The following COPG2 variants were observed in gnomAD, a reference collection of about 807,000 sequenced individuals.
COPG2 encodes coatomer subunit gamma-2.
COPG2 carries 37 observed loss-of-function variants against 46.3 expected under a neutral mutation model. The observed-to-expected ratio is 0.80, with a 90% CI of 0.61 to 1.05. The LOEUF is 1.05. COPG2 is among the 50% of genes least tolerant of loss of function. The pLI, the probability that COPG2 is intolerant of heterozygous loss-of-function variation, is 0.00. For missense variants in COPG2, 427 were observed against 387.8 expected, an observed-to-expected ratio of 1.10 and a Z score of -0.85; for synonymous variants, 159 against 129.7, an observed-to-expected ratio of 1.23 and a Z score of -1.53.
intron 9 of COPG2, among the ~76,000 whole-genome samples, chr7:130,568,703 C>A (rs1228922297): frequency 1.3e-5 from 2 of 152,184 alleles, no homozygotes; most frequent in Admixed American, 6.5e-5. Context: ...TACCCTACAA[C>A]ACATGGACTT....
chr7:130,524,199 G>A (rs1340392118), intron 20 of COPG2, among the ~76,000 whole-genome samples: 1 of 152,106 alleles, frequency 6.6e-6, no homozygotes, highest in Non-Finnish European at 1.5e-5. Flanking sequence ...TGATAGCTGG[G>A]CAGAGCAGGT....
At chr7:130,547,913 C>T in intron 19 of COPG2, 68 bp from the exon 20 acceptor site, 1 of 398,442 alleles carries the variant, frequency 2.5e-6, no homozygotes, top group Middle Eastern at 6.3e-4. Context: ...TAACCCACTA[C>T]TCAGCTCTGG....
chr7:130,587,136 G>A (rs564200724), intron 9 of COPG2, among the ~76,000 whole-genome samples: 89 of 151,748 alleles, frequency 5.9e-4, no homozygotes, highest in African/African-American at 2.0e-3. Context: ...ATGAAACCCC[G>A]TCTCTACTGA....
chr7:130,619,694 A>G lies in COPG2; in HGVS notation c.324-2629T>C, dbSNP rs189800036. Among the ~76,000 whole-genome samples the G allele has an allele frequency of 1.3e-4, 20 of 152,322 alleles. No individual in the cohort carries two copies. In the East Asian group the frequency reaches 3.7e-3, roughly 28 times the overall value. On this transcript the variant is annotated intron_variant, in intron 5 of 23. Coordinates refer to ENST00000425248, the MANE Select transcript of COPG2 (RefSeq NM_012133.6). ...ACAGAATTCACTCTTTTGATTTAAT[A>G]TAACTTCAATGCTTAATTTTATTTT...
At chr7:130,659,382 A>G (rs2116256737) in intron 4 of COPG2, among the ~76,000 whole-genome samples, 2 of 149,320 alleles carry the variant, frequency 1.3e-5, no homozygotes, top group South Asian at 2.1e-4. Flanking sequence ...ACAAACAAGC[A>G]TTATCTAGAA....
chr7:130,594,024 A>G (rs1374870222), intron 9 of COPG2, among the ~76,000 whole-genome samples: 2 of 152,212 alleles, frequency 1.3e-5, no homozygotes, highest in East Asian at 3.8e-4. Flanking sequence ...GCTACTTGCA[A>G]CACATACAAT....
chr7:130,635,826 C>G (rs1795326715), intron 5 of COPG2, among the ~76,000 whole-genome samples: 2 of 151,670 alleles, frequency 1.3e-5, no homozygotes, highest in African/African-American at 4.9e-5. Context: ...TTCCTGCTTT[C>G]TCCTGTGGGC....
At chr7:130,626,972 C>A (rs181557078) in intron 5 of COPG2, among the ~76,000 whole-genome samples, 1 of 152,290 alleles carries the variant, frequency 6.6e-6, no homozygotes, top group Admixed American at 6.5e-5. Flanking sequence ...CAAACCTCCA[C>A]CTCCCAGGCT....
chr7:130,557,846 A>T, intron 12 of COPG2, among the ~76,000 whole-genome samples: 1 of 145,268 alleles, frequency 6.9e-6, no homozygotes, highest in African/African-American at 2.5e-5. Context: ...AAATCATGCA[A>T]GAATAGCCAG....
chr7:130,602,049 A>C (rs1794643939), intron 9 of COPG2, among the ~76,000 whole-genome samples: 1 of 152,202 alleles, frequency 6.6e-6, no homozygotes, highest in African/African-American at 2.4e-5. Context: ...ACTTGATTAT[A>C]AACTCATACG....
chr7:130,513,323 A>ATATGTGTGTGTGTGTG (rs1554441301), intron 20 of COPG2, among the ~76,000 whole-genome samples: 2 of 48,326 alleles, frequency 4.1e-5, no homozygotes, highest in Non-Finnish European at 7.8e-5. Flanking sequence ...ATATATATAT[A>ATATGTGTGTGTGTGTG]TATATATATA....
chr7:130,527,530 G>C (rs1433453091), intron 20 of COPG2, among the ~76,000 whole-genome samples: 2 of 151,872 alleles, frequency 1.3e-5, no homozygotes, highest in African/African-American at 4.8e-5. Context: ...ATCATCTGAA[G>C]GGTGAGCAGT....
chr7:130,602,027 G>C (rs1370342865), intron 9 of COPG2, among the ~76,000 whole-genome samples: 1 of 152,130 alleles, frequency 6.6e-6, no homozygotes, highest in Non-Finnish European at 1.5e-5. Flanking sequence ...ATGACTGCAG[G>C]CTAGGCCAAC....
intron 20 of COPG2, among the ~76,000 whole-genome samples, chr7:130,545,231 A>G (rs975153413): frequency 1.3e-5 from 2 of 151,742 alleles, no homozygotes; most frequent in Non-Finnish European, 2.9e-5. Context: ...TAAGAGATCA[A>G]ATAATTTGTC....
intron 20 of COPG2, among the ~76,000 whole-genome samples, chr7:130,543,993 A>G (rs1346885999): frequency 1.3e-5 from 2 of 152,232 alleles, no homozygotes; most frequent in South Asian, 2.1e-4. Context: ...AGATCTTTCA[A>G]TGGGTTAGAC....
chr7:130,537,386 G>A (rs1049705221), intron 20 of COPG2, among the ~76,000 whole-genome samples: 40 of 149,868 alleles, frequency 2.7e-4, no homozygotes, highest in African/African-American at 9.6e-4. Flanking sequence ...AGCAGTGGGT[G>A]CGGGGCCAGG....
intron 20 of COPG2, among the ~76,000 whole-genome samples, chr7:130,544,840 A>G (rs1368880315): frequency 1.3e-5 from 2 of 152,160 alleles, no homozygotes; most frequent in Non-Finnish European, 2.9e-5. Flanking sequence ...AGTTACATAG[A>G]GACTTAGGAT....
chr7:130,607,093 T>C (rs529805432), intron 9 of COPG2, among the ~76,000 whole-genome samples: 1 of 151,794 alleles, frequency 6.6e-6, no homozygotes, highest in South Asian at 2.1e-4. Flanking sequence ...GTACAAAAAT[T>C]AGCCAGGTGT....
chr7:130,573,797 A>G (rs1793954114), intron 9 of COPG2, among the ~76,000 whole-genome samples: 1 of 152,184 alleles, frequency 6.6e-6, no homozygotes, highest in Admixed American at 6.5e-5. Context: ...TACATGTTAC[A>G]TAGGTAAGTT....
Sources: allele counts gnomAD v4.1 joint callset (sites outside exome capture counted in the v4.1 genomes callset), GRCh38; gene constraint gnomAD v4.1.1; transcripts MANE v1.5; gene names NCBI Gene and HGNC (gene_info 2026-07-23, HGNC 2026-07-21).